CDYL: variants seen among roughly 807,000 people sequenced by gnomAD.
CDYL encodes chromodomain Y-like protein.
CDYL carries 8 observed loss-of-function variants against 47.3 expected under a neutral mutation model. That is an observed-to-expected ratio of 0.17 (90% CI 0.10 to 0.31). The LOEUF (loss-of-function observed/expected upper bound fraction) is 0.31. CDYL is among the 10% of genes least tolerant of loss of function. The pLI is 1.00. For synonymous variants in CDYL, 266 were observed against 265.0 expected, an observed-to-expected ratio of 1.00 and a Z score of -0.04; for missense variants, 471 against 701.4, an observed-to-expected ratio of 0.67 and a Z score of 3.71.
chr6:4,834,932 T>C (rs775233285), intron 1 of CDYL, among the ~76,000 whole-genome samples: 4 of 152,206 alleles, frequency 2.6e-5, no homozygotes, highest in Non-Finnish European at 4.4e-5. Context: ...CATCAGCCCC[T>C]TTAAGCACTT....
At chr6:4,946,028 C>T (rs1758504184) in intron 5 of CDYL, among the ~76,000 whole-genome samples, 2 of 152,346 alleles carry the variant, frequency 1.3e-5, no homozygotes, top group African/African-American at 4.8e-5. Flanking sequence ...AGGCGGGCCT[C>T]CCTGGGAATG....
intron 1 of CDYL, among the ~76,000 whole-genome samples, chr6:4,784,195 T>A (rs17138843): frequency 0.062 from 9,481 of 152,338 alleles, 331 homozygotes; most frequent in Middle Eastern, 0.088. Flanking sequence ...GGGGAGTTTT[T>A]ACCTAATCTG....
At chr6:4,842,105 ATAT>A (rs1180453813) in intron 1 of CDYL, among the ~76,000 whole-genome samples, 2 of 143,798 alleles carry the variant, frequency 1.4e-5, no homozygotes, top group East Asian at 2.0e-4. Flanking sequence ...TCATATATTT[ATAT>A]TATTTATATA....
chr6:4,841,640 C>A (rs979770318), intron 1 of CDYL, among the ~76,000 whole-genome samples: 2 of 152,028 alleles, frequency 1.3e-5, no homozygotes, highest in African/African-American at 4.8e-5. Flanking sequence ...GTCTTGATTT[C>A]ATTGTTGCCT....
At chr6:4,902,210 C>T (rs1331768475) in intron 2 of CDYL, among the ~76,000 whole-genome samples, 5 of 151,534 alleles carry the variant, frequency 3.3e-5, no homozygotes, top group Non-Finnish European at 2.9e-5. Flanking sequence ...ACCGGCCTAA[C>T]CAACATGGAA....
At chr6:4,736,714 A>C (rs1347294805) in intron 3 of CDYL, among the ~76,000 whole-genome samples, 1 of 150,490 alleles carries the variant, frequency 6.6e-6, no homozygotes, top group Non-Finnish European at 1.5e-5. Flanking sequence ...TTTTTCCCTC[A>C]TAACCCATAG....
At chr6:4,729,424 C>G (rs866094173) in intron 2 of CDYL, among the ~76,000 whole-genome samples, 1 of 152,204 alleles carries the variant, frequency 6.6e-6, no homozygotes, top group East Asian at 1.9e-4. Context: ...GATACCTTCT[C>G]AGACCTCTGG....
intron 1 of CDYL, among the ~76,000 whole-genome samples, chr6:4,783,459 C>A (rs1451807309): frequency 6.6e-6 from 1 of 151,378 alleles, no homozygotes; most frequent in African/African-American, 2.4e-5. Flanking sequence ...TCTTGTCGCC[C>A]AGGCTGGAGT....
intron 1 of CDYL, among the ~76,000 whole-genome samples, chr6:4,841,704 A>C (rs1475095906): frequency 1.3e-5 from 2 of 151,926 alleles, no homozygotes; most frequent in Non-Finnish European, 2.9e-5. Flanking sequence ...CCTGGTTTTG[A>C]GGGTTCCTTT....
chr6:4,735,115 C>T (rs11758262), intron 3 of CDYL, among the ~76,000 whole-genome samples: 43,949 of 151,660 alleles, frequency 0.29, 6,493 homozygotes, highest in African/African-American at 0.33. Flanking sequence ...GGAGAAACCC[C>T]GTCTCTACTA....
At position 4,904,401 on chromosome 6, in the gene CDYL, T is replaced by C. The variant is rs757880581; in HGVS notation, c.691+12022T>C. ...GCCAAGGCATCCTTAATAGGAAATA[T>C]TAAGAAAACATTTTAAAGCTTATCT... On this transcript the variant is annotated intron_variant, in intron 2 of 6. Coordinates refer to ENST00000397588, the MANE Select transcript of CDYL (RefSeq NM_004824.4). 3.3e-5 allele frequency among the ~76,000 whole-genome samples: 5 copies of C among 152,240 alleles called. No individual in the cohort carries two copies. In the South Asian group the frequency reaches 6.2e-4, roughly 19 times the overall value.
intron 3 of CDYL, among the ~76,000 whole-genome samples, chr6:4,737,811 C>G (rs1369560005): frequency 6.6e-6 from 1 of 151,996 alleles, no homozygotes; most frequent in Non-Finnish European, 1.5e-5. Context: ...AGGTGTGAGC[C>G]ATCGCACCAG....
In CDYL at chr6:4,954,936, G is replaced by A. The variant is rs1353737049; in HGVS notation, c.*880G>A. ...TATAGACAGTTTTGGTTTTCTGTTTGCAGATATGATTGATGTATTTCACCA... is the reference window on the plus strand; with the variant it reads ...TATAGACAGTTTTGGTTTTCTGTTTACAGATATGATTGATGTATTTCACCA... On this transcript the variant is annotated 3_prime_UTR_variant, in exon 7 of 7. Coordinates refer to ENST00000397588, the MANE Select transcript of CDYL (RefSeq NM_004824.4). The A allele has an allele frequency of 6.6e-6, 1 of 152,270 alleles. No homozygotes were observed. Among genetic ancestry groups the A allele is most frequent in the East Asian group, 1.9e-4 (1 of 5,188 alleles). 9.4% of individuals were successfully genotyped at this position (152,270 alleles called of 1,614,324 possible).
chr6:4,762,645 CAAAAAAAAAAAA>C (rs1173404314), intron 3 of CDYL, among the ~76,000 whole-genome samples: 3 of 39,624 alleles, frequency 7.6e-5, no homozygotes, highest in Admixed American at 2.9e-4. Flanking sequence ...TAAAGGGTAC[CAAAAAAAAAAAA>C]AAAAAAAAAA....
intron 3 of CDYL, 92 bp from the exon 4 acceptor site, chr6:4,937,473 G>GC (rs1758231777): frequency 7.8e-6 from 8 of 1,024,996 alleles, no homozygotes; most frequent in Middle Eastern, 4.5e-4. Context: ...GCCAACCTGA[G>GC]CAACAGAGTG....
chr6:4,919,389 A>G (rs1462255210), intron 2 of CDYL, among the ~76,000 whole-genome samples: 1 of 152,224 alleles, frequency 6.6e-6, no homozygotes, highest in African/African-American at 2.4e-5. Context: ...TTCTTGCACA[A>G]TTTATCATTG....
intron 1 of CDYL, among the ~76,000 whole-genome samples, chr6:4,885,669 T>C (rs1006999556): frequency 6.6e-6 from 1 of 152,214 alleles, no homozygotes; most frequent in African/African-American, 2.4e-5. Flanking sequence ...AAATTTCCTT[T>C]TGTCTCTTGC....
At chr6:4,870,748 A>T (rs926123931) in intron 1 of CDYL, among the ~76,000 whole-genome samples, 1 of 151,776 alleles carries the variant, frequency 6.6e-6, no homozygotes, top group Non-Finnish European at 1.5e-5. Flanking sequence ...TCAAATGTTC[A>T]CTGATTCTTT....
chr6:4,828,492 A>T (rs1322922742), intron 1 of CDYL, among the ~76,000 whole-genome samples: 1 of 151,716 alleles, frequency 6.6e-6, no homozygotes, highest in African/African-American at 2.4e-5. Context: ...TCAGCTATTA[A>T]TCTTATTAAG....
Sources: gnomAD v4.1 joint callset for allele counts (sites outside exome capture counted in the v4.1 genomes callset) on GRCh38, gnomAD v4.1.1 for gene constraint, MANE v1.5 for transcripts, NCBI Gene and HGNC (gene_info 2026-07-23, HGNC 2026-07-21) for gene names.